Variants in SNX14 observed in about 807,000 individuals in gnomAD.
SNX14 encodes the protein sorting nexin-14.
A neutral mutation model predicts 133.8 loss-of-function variants in SNX14; 93 were observed. The ratio of observed to expected loss-of-function variants is 0.70; its 90% CI spans 0.59 to 0.83. The LOEUF (loss-of-function observed/expected upper bound fraction) is 0.83. Ranked by LOEUF, SNX14 falls within the 40% of genes least tolerant of loss-of-function variation. The pLI, the probability that SNX14 is intolerant of heterozygous loss-of-function variation, is 0.00. For missense variants in SNX14, 945 were observed against 1,094.9 expected (o/e 0.86, Z 1.93); for synonymous variants, 368 against 365.6 (o/e 1.01, Z -0.07).
chr6:85,549,880 C>G lies in SNX14; in HGVS notation c.635-1G>C. ...TGCTGTAAAAACTCTGTATTTTTTACTATAGAGATTAAAGATAAATATTGA... is the reference window on the plus strand; with the variant it reads ...TGCTGTAAAAACTCTGTATTTTTTAGTATAGAGATTAAAGATAAATATTGA... On this transcript the variant is annotated splice_acceptor_variant, in intron 7 of 28. Transcript: ENST00000314673. LOFTEE classifies it high-confidence loss of function. 2.5e-6 allele frequency: 4 copies of G among 1,593,580 alleles called. No homozygotes were observed. The highest frequency in any genetic ancestry group is 3.4e-6 in the Non-Finnish European group (4 of 1,171,768).
chr6:85,517,588 G>A (rs1196539947), intron 23 of SNX14, 168 bp downstream of exon 23: 1 of 636,412 alleles, frequency 1.6e-6, no homozygotes, highest in Non-Finnish European at 2.3e-6. Flanking sequence ...AAAGAACCAA[G>A]TAATTACACA....
intron 4 of SNX14, among the ~76,000 whole-genome samples, chr6:85,570,321 C>A (rs1031291491): frequency 3.2e-5 from 3 of 92,886 alleles, no homozygotes; most frequent in Non-Finnish European, 2.3e-5. Context: ...CAAGTCCTTT[C>A]ATTTTTATGA....
At chr6:85,560,148 T>A (rs1449467259) in intron 6 of SNX14, among the ~76,000 whole-genome samples, 1 of 151,960 alleles carries the variant, frequency 6.6e-6, no homozygotes, top group African/African-American at 2.4e-5. Flanking sequence ...ATACCCAAGA[T>A]AAGTGAAAAT....
In SNX14 at chr6:85,549,843, T is replaced by G. The variant is rs778702638; in HGVS notation, c.671A>C (p.Glu224Ala). ...AACATGAAGCTCTGGACCATATTCT[T>G]CTAAAGCAGCTTGCTGTAAAAACTC... is the stretch of plus-strand genomic sequence containing the variant. Reference protein sequence around the residue: ...NTEFLQQAALEEYGPELHVAL... With the variant: ...NTEFLQQAALAEYGPELHVAL... Residue 224 changes from glutamate to alanine, a missense_variant, in exon 8 of 29, where the codon GAA (glutamate) becomes GCA (alanine). By Grantham distance (107) the Glu-to-Ala change is moderately radical (BLOSUM62 -1). Coordinates refer to ENST00000314673, the MANE Select transcript of SNX14 (RefSeq NM_153816.6). The G allele has an allele frequency of 3.1e-6, 5 of 1,613,126 alleles. No individual in the cohort carries two copies. The highest frequency in any genetic ancestry group is 4.2e-6 in the Non-Finnish European group (5 of 1,179,570).
intron 7 of SNX14, among the ~76,000 whole-genome samples, chr6:85,551,860 T>C (rs963323703): frequency 3.3e-5 from 5 of 152,216 alleles, no homozygotes. Context: ...ACAAAAGTTA[T>C]GTTAGCAAAG....
Position 85,535,488 on chromosome 6 carries a change from C to T in SNX14, c.1608+1304G>A, listed in dbSNP as rs79764589. ...AAAATTAGCTGGGCATGGTGGCGGG[C>T]GCCTGCAACCCCAGCTACTCAGGAG... On this transcript the variant is annotated intron_variant, in intron 17 of 28. Coordinates refer to ENST00000314673, the MANE Select transcript of SNX14 (RefSeq NM_153816.6). Among the ~76,000 whole-genome samples the T allele has an allele frequency of 7.9e-5, 12 of 151,564 alleles. No individual in the cohort carries two copies. The East Asian group carries it at 2.0e-3, about 25-fold the overall frequency.
At chr6:85,557,148 C>T (rs1287462938) in intron 7 of SNX14, among the ~76,000 whole-genome samples, 1 of 152,154 alleles carries the variant, frequency 6.6e-6, no homozygotes, top group Non-Finnish European at 1.5e-5. Context: ...GTCATATGGT[C>T]ATGTGTGTAG....
At chr6:85,526,464 T>A (rs1778516791) in intron 20 of SNX14, among the ~76,000 whole-genome samples, 1 of 152,210 alleles carries the variant, frequency 6.6e-6, no homozygotes, top group Non-Finnish European at 1.5e-5. Flanking sequence ...ACATGCTAGC[T>A]AAGTGCCACT....
At chr6:85,545,586 G>T (rs1199784570) in intron 12 of SNX14, among the ~76,000 whole-genome samples, 1 of 152,104 alleles carries the variant, frequency 6.6e-6, no homozygotes, top group South Asian at 2.1e-4. Context: ...TCATTAAGAA[G>T]ATATAACAAT....
At chr6:85,509,283 A>C (rs1049460504) in intron 26 of SNX14, among the ~76,000 whole-genome samples, 4 of 152,230 alleles carry the variant, frequency 2.6e-5, no homozygotes, top group African/African-American at 9.6e-5. Context: ...TGAGTATCAA[A>C]GCTGAGACTG....
intron 1 of SNX14, among the ~76,000 whole-genome samples, chr6:85,580,870 T>G (rs977661546): frequency 6.6e-6 from 1 of 152,150 alleles, no homozygotes; most frequent in Non-Finnish European, 1.5e-5. Flanking sequence ...GGTTTCCAAC[T>G]CCTGGTCCTG....
At chr6:85,534,072 C>G (rs951719498) in intron 17 of SNX14, among the ~76,000 whole-genome samples, 5 of 152,140 alleles carry the variant, frequency 3.3e-5, no homozygotes, top group African/African-American at 1.2e-4. Flanking sequence ...CTTTCAGAAG[C>G]TGAGGTGGGA....
intron 9 of SNX14, 150 bp downstream of exon 9, chr6:85,548,151 T>C (rs1291918448): frequency 1.7e-6 from 1 of 601,252 alleles, no homozygotes; most frequent in East Asian, 3.1e-5. Context: ...TTTCATAAGA[T>C]GAAGAGTTCT....
chr6:85,523,952 A>G (rs1417714265), intron 21 of SNX14, among the ~76,000 whole-genome samples: 1 of 152,208 alleles, frequency 6.6e-6, no homozygotes, highest in Non-Finnish European at 1.5e-5. Flanking sequence ...GACTACATTT[A>G]GGCAGGCAGA....
chr6:85,580,999 G>A (rs932880331), intron 1 of SNX14, among the ~76,000 whole-genome samples: 1 of 152,106 alleles, frequency 6.6e-6, no homozygotes, highest in African/African-American at 2.4e-5. Context: ...AACATAGTCA[G>A]TAGCCAGATA....
At chr6:85,522,135 C>G (rs1015320612) in intron 21 of SNX14, among the ~76,000 whole-genome samples, 1 of 152,166 alleles carries the variant, frequency 6.6e-6, no homozygotes, top group East Asian at 1.9e-4. Context: ...GTGGCTACTT[C>G]GTAGGAGTTC....
rs1476788273 is a variant in SNX14 at position 85,554,122 on chromosome 6, C to T, written c.634+3854G>A. 2.0e-5 allele frequency among the ~76,000 whole-genome samples: 3 copies of T among 152,116 alleles called. No individual in the cohort carries two copies. The South Asian group carries it at 6.2e-4, about 32-fold the overall frequency. ...TAATGCCTAATCAGTTGGCAGTTTTCAGAACACAAAAGGAAAGGTCCACAA... is the reference window on the plus strand; with the variant it reads ...TAATGCCTAATCAGTTGGCAGTTTTTAGAACACAAAAGGAAAGGTCCACAA... On this transcript the variant is annotated intron_variant, in intron 7 of 28. Transcript: ENST00000314673.
chr6:85,508,205 G>A (rs1394604366), intron 26 of SNX14, 146 bp from the exon 27 acceptor site: 1 of 1,342,810 alleles, frequency 7.4e-7, no homozygotes, highest in African/African-American at 1.5e-5. Context: ...GTTTCTATAA[G>A]AGGCTCCTGG....
chr6:85,548,803 C>A (rs1300717580), intron 8 of SNX14, among the ~76,000 whole-genome samples: 1 of 151,602 alleles, frequency 6.6e-6, no homozygotes, highest in Non-Finnish European at 1.5e-5. Context: ...CCCGTCTCTA[C>A]TAAAAATACA....
Sources: gnomAD v4.1 joint callset for allele counts (sites outside exome capture counted in the v4.1 genomes callset) on GRCh38, gnomAD v4.1.1 for gene constraint, MANE v1.5 for transcripts, NCBI Gene and HGNC (gene_info 2026-07-23, HGNC 2026-07-21) for gene names.